Variants in SOX6 observed in about 807,000 individuals in gnomAD.
SOX6 encodes SRY-box transcription factor 6, also known as transcription factor SOX-6.
SOX6 carries 11 observed loss-of-function variants against 97.8 expected under a neutral mutation model. The ratio of observed to expected loss-of-function variants is 0.11; its 90% CI spans 0.07 to 0.19. The LOEUF is 0.19. Ranked by LOEUF, SOX6 falls within the 10% of genes least tolerant of loss-of-function variation. The probability of loss-of-function intolerance (pLI) is 1.00; values close to 1 mark genes in which losing one functional copy is unlikely to be tolerated. For synonymous variants in SOX6, 360 were observed against 371.4 expected, an observed-to-expected ratio of 0.97 and a Z score of 0.35; for missense variants, 810 against 1,039.5, an observed-to-expected ratio of 0.78 and a Z score of 3.04.
chr11:16,230,957 T>A (rs1337209799), intron 4 of SOX6, among the ~76,000 whole-genome samples: 3 of 151,750 alleles, frequency 2.0e-5, no homozygotes, highest in Non-Finnish European at 4.4e-5. Context: ...GATTATTTAA[T>A]AAACAGTATA....
At chr11:16,403,613 T>G (rs1031868476) in intron 1 of SOX6, among the ~76,000 whole-genome samples, 1 of 151,620 alleles carries the variant, frequency 6.6e-6, no homozygotes, top group African/African-American at 2.4e-5. Context: ...TACAGTAACA[T>G]AAGATAAGAG....
chr11:16,641,343 T>G (rs1167729393), intron 3 of SOX6, among the ~76,000 whole-genome samples: 3 of 152,178 alleles, frequency 2.0e-5, no homozygotes, highest in African/African-American at 7.2e-5. Context: ...GTGGTCAGTT[T>G]TGGAATAAGT....
rs543426044 is a variant in SOX6 at position 16,221,224 on chromosome 11, A to C, written c.535+13358T>G. On this transcript the variant is annotated intron_variant, in intron 4 of 15. Coordinates refer to ENST00000683767, the MANE Select transcript of SOX6 (RefSeq NM_001367873.1). ...ATTATGCAAATAAAATAGTGAGTAA[A>C]ACCACTGGTTTCTTAGCATGAATCA... Among the ~76,000 whole-genome samples the C allele has an allele frequency of 5.5e-4, 83 of 152,198 alleles. 2 individuals are homozygous for C. In the South Asian group the frequency reaches 0.016, roughly 30 times the overall value.
chr11:16,413,024 C>T (rs1858853510), intron 1 of SOX6, among the ~76,000 whole-genome samples: 1 of 152,134 alleles, frequency 6.6e-6, no homozygotes, highest in Admixed American at 6.5e-5. Flanking sequence ...CAAAAGAAAA[C>T]CAGAACAAAT....
Position 15,980,398 on chromosome 11 carries a change from C to G in SOX6, c.2183+5806G>C, listed in dbSNP as rs188652452. On this transcript the variant is annotated intron_variant, in intron 15 of 15. Transcript: ENST00000683767. ...TTGAAGTATATAACATCTGAGGCCCCTTCTATGTTGCAACTAATTCTGTGG... is the reference window on the plus strand; with the variant it reads ...TTGAAGTATATAACATCTGAGGCCCGTTCTATGTTGCAACTAATTCTGTGG... 2.0e-5 allele frequency among the ~76,000 whole-genome samples: 3 copies of G among 152,132 alleles called. No homozygotes were observed. In the East Asian group the frequency reaches 5.8e-4, roughly 29 times the overall value.
chr11:16,317,264 A>G (rs1855779777), intron 3 of SOX6: 1 of 151,014 alleles, frequency 6.6e-6, no homozygotes, highest in Admixed American at 6.6e-5. Flanking sequence ...TATGTTATAT[A>G]TAATATAATA....
At chr11:16,112,281 C>G (rs1013617105) in intron 6 of SOX6, among the ~76,000 whole-genome samples, 1 of 152,038 alleles carries the variant, frequency 6.6e-6, no homozygotes, top group African/African-American at 2.4e-5. Context: ...GAGGTTTTGC[C>G]CTTTCACCTG....
chr11:16,630,939 A>T (rs989158771), intron 3 of SOX6, among the ~76,000 whole-genome samples: 10 of 152,140 alleles, frequency 6.6e-5, no homozygotes, highest in African/African-American at 2.4e-4. Context: ...TGCATGACAG[A>T]CCTTTCTCTA....
At chr11:16,486,577 G>T (rs1232794393) in intron 4 of SOX6, among the ~76,000 whole-genome samples, 6 of 152,048 alleles carry the variant, frequency 3.9e-5, no homozygotes, top group Admixed American at 3.9e-4. Flanking sequence ...TAAAAAAATT[G>T]TGGCTGGGTG....
chr11:16,318,739 A>G (rs1455543532), intron 2 of SOX6, 86 bp from the exon 3 acceptor site: 1 of 1,006,218 alleles, frequency 9.9e-7, no homozygotes. Flanking sequence ...TGAGGACAGT[A>G]TATGATGCTT....
At chr11:16,061,078 A>G (rs1015979571) in intron 9 of SOX6, among the ~76,000 whole-genome samples, 1 of 151,780 alleles carries the variant, frequency 6.6e-6, no homozygotes, top group Admixed American at 6.6e-5. Flanking sequence ...TATGTGACAA[A>G]CAATTTTATG....
At chr11:16,570,632 A>T (rs543310913) in intron 4 of SOX6, among the ~76,000 whole-genome samples, 1 of 152,190 alleles carries the variant, frequency 6.6e-6, no homozygotes, top group Non-Finnish European at 1.5e-5. Context: ...TTTCATATAC[A>T]GTGTAGCTAA....
At chr11:16,429,816 T>A (rs1859235431) in intron 1 of SOX6, among the ~76,000 whole-genome samples, 1 of 152,082 alleles carries the variant, frequency 6.6e-6, no homozygotes, top group African/African-American at 2.4e-5. Flanking sequence ...TACACTTGAA[T>A]GTAAAAGTTA....
chr11:16,589,621 A>C (rs1848128837), intron 4 of SOX6, among the ~76,000 whole-genome samples: 1 of 152,164 alleles, frequency 6.6e-6, no homozygotes, highest in African/African-American at 2.4e-5. Flanking sequence ...GGATAGAAAC[A>C]ATGATGATCC....
chr11:16,312,007 C>G (rs1466108235), intron 3 of SOX6: 1 of 152,154 alleles, frequency 6.6e-6, no homozygotes, highest in African/African-American at 2.4e-5. Context: ...ATTGGAAAGC[C>G]TGTCCCACCA....
chr11:16,463,517 C>A (rs1252136566), intron 1 of SOX6, among the ~76,000 whole-genome samples: 1 of 152,164 alleles, frequency 6.6e-6, no homozygotes, highest in Non-Finnish European at 1.5e-5. Flanking sequence ...AGCTATCTTA[C>A]AATAGAGTTG....
intron 4 of SOX6, among the ~76,000 whole-genome samples, chr11:16,598,657 A>G (rs1848237083): frequency 6.6e-6 from 1 of 152,000 alleles, no homozygotes; most frequent in South Asian, 2.1e-4. Flanking sequence ...TTTAAAAAAA[A>G]AAAAATCTGT....
At position 16,321,679 on chromosome 11, in the gene SOX6, A is replaced by G. The variant is rs117156479; in HGVS notation, c.238-3026T>C. ...CATAATCTGTGCAAAGTGGCTCAAC[A>G]CTACCAAGCAGCAGAGAGCAAGAGG... On this transcript the variant is annotated intron_variant, in intron 2 of 15. Transcript: ENST00000683767. 7.2e-3 allele frequency among the ~76,000 whole-genome samples: 1,093 copies of G among 152,186 alleles called. 8 individuals carry two copies. Among genetic ancestry groups the G allele is most frequent in the Middle Eastern group, 0.014 (4 of 294 alleles).
At chr11:16,337,949 T>C (rs1429167789) in intron 2 of SOX6, among the ~76,000 whole-genome samples, 1 of 152,022 alleles carries the variant, frequency 6.6e-6, no homozygotes, top group Non-Finnish European at 1.5e-5. Context: ...GAAGTGGGAA[T>C]TAGTAGAGCT....
Sources: gnomAD v4.1 joint callset for allele counts (sites outside exome capture counted in the v4.1 genomes callset) on GRCh38, gnomAD v4.1.1 for gene constraint, MANE v1.5 for transcripts, NCBI Gene and HGNC (gene_info 2026-07-23, HGNC 2026-07-21) for gene names.